The following POP1 variants were observed in gnomAD, a reference collection of about 807,000 sequenced individuals.
The protein encoded by POP1 is POP1 ribonuclease P/MRP subunit, also known as ribonucleases P/MRP protein subunit POP1.
A neutral mutation model predicts 102.2 loss-of-function variants in POP1; 75 were observed. That is an observed-to-expected ratio of 0.73 (90% CI 0.61 to 0.89). The LOEUF is 0.89. Ranked by LOEUF, POP1 falls within the 40% of genes least tolerant of loss-of-function variation. The pLI is 0.00. For synonymous variants in POP1, 436 were observed against 464.1 expected, an observed-to-expected ratio of 0.94 and a Z score of 0.78; for missense variants, 1,116 against 1,267.4, an observed-to-expected ratio of 0.88 and a Z score of 1.81.
chr8:98,144,166 A>C (rs996430731), intron 11 of POP1, among the ~76,000 whole-genome samples: 1 of 150,894 alleles, frequency 6.6e-6, no homozygotes, highest in Non-Finnish European at 1.5e-5. Context: ...CTAAAAAAAA[A>C]CCCAAAAATT....
chr8:98,150,508 A>C lies in POP1; in HGVS notation c.1926A>C (p.Gly642=), dbSNP rs149425459. The change falls in exon 14 of 16, where the codon GGA becomes GGC. Residue 642 remains glycine (G), a synonymous_variant. Coordinates refer to ENST00000401707, the MANE Select transcript of POP1 (RefSeq NM_001145860.2). The stretch of plus-strand genomic sequence containing the variant: ...AGATTTATCGAGGTGTGAGAGTCGG[A>C]GGGTTGAAAGAGTCTGCAGTGCATT... The part of the protein sequence containing the change: ...IPFIYRGVRV[G]GLKESAVHSQ... The C allele has an allele frequency of 3.2e-5, 52 of 1,613,780 alleles. 1 individual carries two copies. In the African/African-American group the frequency reaches 4.1e-4, roughly 13 times the overall value.
chr8:98,137,135 A>G (rs568107248), intron 9 of POP1, among the ~76,000 whole-genome samples, 181 bp downstream of exon 9: 9 of 152,308 alleles, frequency 5.9e-5, no homozygotes, highest in African/African-American at 1.9e-4. Context: ...GACCACAACT[A>G]AGTGGATATG....
chr8:98,140,401 A>G (rs527528346), intron 10 of POP1, among the ~76,000 whole-genome samples: 3 of 152,350 alleles, frequency 2.0e-5, no homozygotes, highest in East Asian at 3.9e-4. Context: ...TTCATATTCT[A>G]AGTAACTGGC....
chr8:98,144,850 C>T (rs1816801621), intron 11 of POP1, among the ~76,000 whole-genome samples: 1 of 152,136 alleles, frequency 6.6e-6, no homozygotes, highest in Non-Finnish European at 1.5e-5. Flanking sequence ...TGAGGAAGAG[C>T]AGTGTAATGA....
rs544115679 is a variant in POP1 at position 98,150,612 on chromosome 8, C to G, written c.2030C>G (p.Ala677Gly). 3.7e-6 allele frequency: 6 copies of G among 1,614,134 alleles called. No homozygotes were observed. Among genetic ancestry groups the G allele is most frequent in the Non-Finnish European group, 5.1e-6 (6 of 1,180,032 alleles). Residue 677 changes from alanine to glycine, a missense_variant, in exon 14 of 16, where the codon GCT becomes GGT. By Grantham distance (60) the Ala-to-Gly change is moderately conservative. Coordinates refer to ENST00000401707, the MANE Select transcript of POP1 (RefSeq NM_001145860.2). ...GGGATGCTGTTTGCGGAAGAGCAAG[C>G]TAAGAATCTTCTTGAAAAGTACAAA... ...PAGMLFAEEQAKNLLEKYKRR... is the reference protein window; with the variant it reads ...PAGMLFAEEQGKNLLEKYKRR...
chr8:98,153,755 C>T (rs1020677587), intron 14 of POP1, among the ~76,000 whole-genome samples: 1 of 151,990 alleles, frequency 6.6e-6, no homozygotes, highest in African/African-American at 2.4e-5. Flanking sequence ...CCAGGATGGT[C>T]TTGATCTTTT....
intron 9 of POP1, among the ~76,000 whole-genome samples, chr8:98,138,119 A>G (rs1377370159): frequency 2.0e-5 from 3 of 152,244 alleles, no homozygotes; most frequent in African/African-American, 7.2e-5. Flanking sequence ...GGGAACCTTA[A>G]GTTTCCTCCA....
Position 98,136,388 on chromosome 8 carries a change from T to G in POP1, c.1012-94T>G, listed in dbSNP as rs76745470. The stretch of plus-strand genomic sequence containing the variant: ...ACCGTGCCTGGCCAAAAATGTTAAT[T>G]TTTAAAGAGATTTAAAAAAAAAAAC... On this transcript the variant is annotated intron_variant, in intron 7 of 15. Transcript: ENST00000401707. 0.042 allele frequency: 59,313 copies of G among 1,418,640 alleles called. 1,950 individuals are homozygous for G. The highest frequency in any genetic ancestry group is 0.15 in the African/African-American group (10,103 of 67,886). The allele number at this position is 1,418,640 out of a possible 1,614,324, so 87.9% of individuals were successfully genotyped here.
At chr8:98,148,099 A>G (rs1454127137) in intron 12 of POP1, among the ~76,000 whole-genome samples, 1 of 152,188 alleles carries the variant, frequency 6.6e-6, no homozygotes, top group Non-Finnish European at 1.5e-5. Flanking sequence ...TGATCCCGGG[A>G]GGAAAAGTCG....
At chr8:98,141,109 A>G (rs1816691661) in intron 11 of POP1, among the ~76,000 whole-genome samples, 1 of 151,834 alleles carries the variant, frequency 6.6e-6, no homozygotes, top group South Asian at 2.1e-4. Flanking sequence ...ACTTATGTTC[A>G]TTTTATTTTC....
chr8:98,129,032 G>A (rs954436480), intron 4 of POP1, among the ~76,000 whole-genome samples: 69 of 151,982 alleles, frequency 4.5e-4, no homozygotes, highest in Admixed American at 1.3e-3. Flanking sequence ...AAATTCACAG[G>A]CAATTGGCTA....
intron 10 of POP1, 110 bp from the exon 11 acceptor site, chr8:98,140,659 T>C: frequency 9.1e-7 from 1 of 1,098,896 alleles, no homozygotes; most frequent in Middle Eastern, 2.1e-4. Flanking sequence ...TTTTAAGTAA[T>C]TAGTCCAAGA....
At chr8:98,122,540 C>T (rs1816060994) in intron 1 of POP1, among the ~76,000 whole-genome samples, 1 of 152,158 alleles carries the variant, frequency 6.6e-6, no homozygotes, top group South Asian at 2.1e-4. Context: ...CTTCCAGGAC[C>T]ATCCAGCTTT....
chr8:98,133,549 G>A (rs1359227905), intron 5 of POP1, among the ~76,000 whole-genome samples: 1 of 152,080 alleles, frequency 6.6e-6, no homozygotes, highest in South Asian at 2.1e-4. Context: ...ATTTTACTCT[G>A]GTTTCTTACC....
rs141520158 is a variant in POP1, at chr8:98,148,144, A to C, written c.1711-671A>C. Among the ~76,000 whole-genome samples the C allele has an allele frequency of 6.8e-3, 1,036 of 152,354 alleles. 13 individuals carry two copies. The highest frequency in any genetic ancestry group is 0.023 in the African/African-American group (976 of 41,576). On this transcript the variant is annotated intron_variant, in intron 12 of 15. Coordinates refer to ENST00000401707, the MANE Select transcript of POP1 (RefSeq NM_001145860.2). The stretch of plus-strand genomic sequence containing the variant: ...AGATATAGTTTGGAATTACTAACAC[A>C]TAGATGGTAGTGGAAACTCCGAAAG...
At chr8:98,121,684 ATT>A (rs35137527) in intron 1 of POP1, among the ~76,000 whole-genome samples, 73 of 136,384 alleles carry the variant, frequency 5.4e-4, no homozygotes, top group Admixed American at 5.1e-4. Flanking sequence ...CACCCAACTA[ATT>A]TTTTTTTTTT....
intron 2 of POP1, among the ~76,000 whole-genome samples, chr8:98,126,555 TA>T (rs1816212860): frequency 6.6e-6 from 1 of 152,156 alleles, no homozygotes; most frequent in Admixed American, 6.5e-5. Flanking sequence ...ACAAATAAAA[TA>T]CATGTAATTT....
intron 12 of POP1, 121 bp downstream of exon 12, chr8:98,146,804 A>G (rs1816856821): frequency 1.3e-6 from 1 of 785,576 alleles, no homozygotes; most frequent in Non-Finnish European, 2.2e-6. Context: ...TTTGTTTTCA[A>G]ACAAGTTGTT....
rs1809717223 is a variant in POP1 at position 98,158,460 on chromosome 8, TC to T, written c.*192del. ...CAGTAATGTCATTGATTTTCATCTT[TC>T]CCTGTCCTTGCTGTAATACTTTTAA... On this transcript the variant is annotated 3_prime_UTR_variant, in exon 16 of 16. Coordinates refer to ENST00000401707, the MANE Select transcript of POP1 (RefSeq NM_001145860.2). The T allele has an allele frequency of 1.5e-6, 1 of 662,380 alleles. No individual in the cohort carries two copies. The highest frequency in any genetic ancestry group is 2.6e-5 in the Admixed American group (1 of 37,906). 41.0% of individuals were successfully genotyped at this position (662,380 alleles called of 1,614,324 possible).
Sources: gnomAD v4.1 joint callset for allele counts (sites outside exome capture counted in the v4.1 genomes callset) on GRCh38, gnomAD v4.1.1 for gene constraint, MANE v1.5 for transcripts, NCBI Gene and HGNC (gene_info 2026-07-23, HGNC 2026-07-21) for gene names.